PTPRK: variants seen among roughly 807,000 people sequenced by gnomAD.
PTPRK encodes protein tyrosine phosphatase receptor type K, also known as receptor-type tyrosine-protein phosphatase kappa.
A neutral mutation model predicts 178.0 loss-of-function variants in PTPRK; 75 were observed. The ratio of observed to expected loss-of-function variants is 0.42; its 90% CI spans 0.35 to 0.51. PTPRK has a LOEUF of 0.51. Among genes scored for constraint, PTPRK ranks in the 20% least tolerant of loss-of-function variants. PTPRK has a pLI of 0.02. For missense variants in PTPRK, 1,441 were observed against 1,797.8 expected, an observed-to-expected ratio of 0.80 and a Z score of 3.59; for synonymous variants, 637 against 620.6, an observed-to-expected ratio of 1.03 and a Z score of -0.39.
At chr6:128,024,473 T>G (rs1428553990) in intron 13 of PTPRK, among the ~76,000 whole-genome samples, 2 of 152,172 alleles carry the variant, frequency 1.3e-5, no homozygotes, top group African/African-American at 2.4e-5. Context: ...AATTTAGCAC[T>G]AAGTATGAAA....
At chr6:128,219,595 C>A (rs190615066) in intron 5 of PTPRK, among the ~76,000 whole-genome samples, 12 of 152,272 alleles carry the variant, frequency 7.9e-5, no homozygotes, top group Non-Finnish European at 1.5e-4. Flanking sequence ...GGGTTGGGGA[C>A]CCCTGCTCTA....
intron 3 of PTPRK, among the ~76,000 whole-genome samples, chr6:128,262,863 A>G (rs540200051): frequency 1.3e-5 from 2 of 151,620 alleles, no homozygotes; most frequent in African/African-American, 4.8e-5. Context: ...TAACCAAAAA[A>G]AAAAAAAAAA....
At chr6:128,106,464 G>A (rs907854073) in intron 7 of PTPRK, among the ~76,000 whole-genome samples, 2 of 151,674 alleles carry the variant, frequency 1.3e-5, no homozygotes, top group Admixed American at 1.3e-4. Flanking sequence ...GGATTACTTT[G>A]CCCATTTTCA....
chr6:128,016,905 C>A (rs1779654063), intron 13 of PTPRK, among the ~76,000 whole-genome samples: 1 of 151,940 alleles, frequency 6.6e-6, no homozygotes, highest in African/African-American at 2.4e-5. Flanking sequence ...ACATGAGTCA[C>A]TTTCTGGATT....
chr6:128,211,107 C>T (rs956724475), intron 6 of PTPRK, among the ~76,000 whole-genome samples: 2 of 151,998 alleles, frequency 1.3e-5, no homozygotes, highest in African/African-American at 2.4e-5. Context: ...GATGAGAACA[C>T]ATCTATAGGC....
intron 6 of PTPRK, among the ~76,000 whole-genome samples, chr6:128,205,822 TAA>T (rs1806855747): frequency 1.1e-5 from 1 of 92,994 alleles, no homozygotes; most frequent in Non-Finnish European, 2.2e-5. Flanking sequence ...TTAAAAAATA[TAA>T]GAGTGGGAGA....
At chr6:128,351,697 G>A (rs1397930576) in intron 2 of PTPRK, among the ~76,000 whole-genome samples, 2 of 152,056 alleles carry the variant, frequency 1.3e-5, no homozygotes, top group African/African-American at 2.4e-5. Flanking sequence ...AAATGAAATC[G>A]TGCAATGAAA....
intron 25 of PTPRK, among the ~76,000 whole-genome samples, chr6:127,979,158 T>C (rs1279551820): frequency 6.6e-6 from 1 of 152,092 alleles, no homozygotes; most frequent in Non-Finnish European, 1.5e-5. Flanking sequence ...ACACCTTAGT[T>C]CTAGCTACTT....
chr6:128,299,947 G>A (rs1183929824), intron 3 of PTPRK, among the ~76,000 whole-genome samples: 1 of 151,996 alleles, frequency 6.6e-6, no homozygotes, highest in East Asian at 1.9e-4. Flanking sequence ...CCTACAAAAT[G>A]GGAGAAAATT....
chr6:127,998,643 A>G, intron 16 of PTPRK, 77 bp downstream of exon 16: 2 of 1,250,260 alleles, frequency 1.6e-6, no homozygotes, highest in Non-Finnish European at 2.2e-6. Flanking sequence ...TGTGTTAAAG[A>G]GAGGGAAAAA....
Position 128,064,753 on chromosome 6 carries a change from CT to C in PTPRK, c.2194+4del. On this transcript the variant is annotated splice_donor_region_variant and intron_variant, in intron 13 of 29. Coordinates refer to ENST00000368226, the MANE Select transcript of PTPRK (RefSeq NM_002844.4). ...TAAAACAAGCAAAAAAAGCAAACCT[CT>C]TACCTTTTGTAGCAATGCGTACGCA... 6.3e-7 allele frequency: 1 copy of C among 1,584,714 alleles called. No homozygotes were observed. Among genetic ancestry groups the C allele is most frequent in the South Asian group, 1.2e-5 (1 of 85,200 alleles).
chr6:128,281,886 T>C (rs1821732555), intron 3 of PTPRK, among the ~76,000 whole-genome samples: 1 of 152,014 alleles, frequency 6.6e-6, no homozygotes, highest in Non-Finnish European at 1.5e-5. Flanking sequence ...CGTATTTAGC[T>C]GAAATAGGAG....
chr6:128,453,782 C>T (rs1468023488), intron 1 of PTPRK, among the ~76,000 whole-genome samples: 1 of 152,100 alleles, frequency 6.6e-6, no homozygotes, highest in Non-Finnish European at 1.5e-5. Flanking sequence ...TCTACCCAAG[C>T]TGCATGTAAG....
Position 128,202,644 on chromosome 6 carries a change from C to T in PTPRK, c.868+16278G>A, listed in dbSNP as rs138636674. On this transcript the variant is annotated intron_variant, in intron 6 of 29. Coordinates refer to ENST00000368226, the MANE Select transcript of PTPRK (RefSeq NM_002844.4). ...ACAGGCTCCGTCCACCTAAGAAGGACGGAGTTCCCCAGGGAAGGGGTGGTT... is the reference window on the plus strand; with the variant it reads ...ACAGGCTCCGTCCACCTAAGAAGGATGGAGTTCCCCAGGGAAGGGGTGGTT... Among the ~76,000 whole-genome samples the T allele has an allele frequency of 1.9e-3, 284 of 152,196 alleles. 1 individual carries two copies. Among genetic ancestry groups the T allele is most frequent in the African/African-American group, 6.2e-3 (259 of 41,534 alleles).
At chr6:128,073,449 G>A (rs1354802165) in intron 11 of PTPRK, among the ~76,000 whole-genome samples, 3 of 151,944 alleles carry the variant, frequency 2.0e-5, no homozygotes, top group African/African-American at 2.4e-5. Context: ...ATCCTTATGT[G>A]ATAAAAGTAT....
intron 3 of PTPRK, among the ~76,000 whole-genome samples, chr6:128,292,205 A>G (rs1198411777): frequency 6.6e-6 from 1 of 152,084 alleles, no homozygotes; most frequent in Admixed American, 6.6e-5. Flanking sequence ...AATAAAACAA[A>G]TATCAGTAAA....
chr6:128,006,469 G>T (rs567790622), intron 14 of PTPRK, among the ~76,000 whole-genome samples: 1 of 150,658 alleles, frequency 6.6e-6, no homozygotes, highest in Non-Finnish European at 1.5e-5. Context: ...AAAACATAAA[G>T]ATCTATTATG....
chr6:128,336,217 G>GT (rs1420289671), intron 2 of PTPRK, among the ~76,000 whole-genome samples: 31 of 145,866 alleles, frequency 2.1e-4, no homozygotes, highest in African/African-American at 7.2e-4. Flanking sequence ...TTTTTTGTTT[G>GT]TTTTTTTGCC....
chr6:128,011,187 A>G (rs1422279498), intron 13 of PTPRK, among the ~76,000 whole-genome samples: 6 of 151,254 alleles, frequency 4.0e-5, no homozygotes, highest in Non-Finnish European at 7.4e-5. Context: ...AGGAAGAGAA[A>G]CAGAAGTTTG....
Sources: allele counts gnomAD v4.1 joint callset (sites outside exome capture counted in the v4.1 genomes callset), GRCh38; gene constraint gnomAD v4.1.1; transcripts MANE v1.5; gene names NCBI Gene and HGNC (gene_info 2026-07-23, HGNC 2026-07-21).